The following SNTB2 variants were observed in gnomAD, a reference collection of about 807,000 sequenced individuals.
The protein encoded by SNTB2 is syntrophin beta 2.
A neutral mutation model predicts 46.2 loss-of-function variants in SNTB2; 34 were observed. The observed-to-expected ratio is 0.74, with a 90% CI of 0.56 to 0.98. SNTB2 has a LOEUF of 0.98. Among genes scored for constraint, SNTB2 ranks in the 50% least tolerant of loss-of-function variants. The pLI is 0.00. For synonymous variants in SNTB2, 290 were observed against 312.6 expected, an observed-to-expected ratio of 0.93 and a Z score of 0.76; for missense variants, 603 against 731.4, an observed-to-expected ratio of 0.82 and a Z score of 2.02.
At chr16:69,193,044 T>A (rs1241821953) in intron 1 of SNTB2, among the ~76,000 whole-genome samples, 1 of 152,118 alleles carries the variant, frequency 6.6e-6, no homozygotes, top group Non-Finnish European at 1.5e-5. Flanking sequence ...CTTAATGAAA[T>A]AGATGAGAAA....
intron 1 of SNTB2, chr16:69,235,793 C>T: frequency 7.8e-7 from 1 of 1,289,358 alleles, no homozygotes; most frequent in East Asian, 5.5e-5. Flanking sequence ...AGGGGCACAT[C>T]AGCTGCTGTA....
intron 4 of SNTB2, among the ~76,000 whole-genome samples, chr16:69,273,405 T>C (rs1398316080): frequency 6.6e-6 from 1 of 152,212 alleles, no homozygotes; most frequent in Non-Finnish European, 1.5e-5. Flanking sequence ...TTAAAAACAA[T>C]AATGTTCTGA....
chr16:69,252,228 G>A (rs1309701828), intron 2 of SNTB2, among the ~76,000 whole-genome samples: 2 of 152,000 alleles, frequency 1.3e-5, no homozygotes, highest in Non-Finnish European at 2.9e-5. Context: ...AGTAAAAAGT[G>A]CTAATGATCA....
chr16:69,280,501 C>G (rs1292095282), intron 4 of SNTB2, among the ~76,000 whole-genome samples: 1 of 148,386 alleles, frequency 6.7e-6, no homozygotes, highest in African/African-American at 2.5e-5. Context: ...CTGACCCCCC[C>G]ACCTCCCTCC....
intron 4 of SNTB2, among the ~76,000 whole-genome samples, chr16:69,277,603 G>A (rs7192612): frequency 0.27 from 41,261 of 151,868 alleles, 6,147 homozygotes; most frequent in African/African-American, 0.39. Context: ...GGCTATCCAC[G>A]TAATGTGAAT....
intron 2 of SNTB2, among the ~76,000 whole-genome samples, chr16:69,255,559 TAAA>T (rs1239002276): frequency 1.6e-5 from 2 of 125,844 alleles, no homozygotes; most frequent in Non-Finnish European, 3.4e-5. Context: ...GACTCCGTCT[TAAA>T]AAAAAAAAAA....
chr16:69,225,742 G>T (rs1404367321), intron 1 of SNTB2, among the ~76,000 whole-genome samples: 1 of 152,214 alleles, frequency 6.6e-6, no homozygotes, highest in East Asian at 1.9e-4. Flanking sequence ...ACATAGGAGA[G>T]AGTTGTTGAA....
intron 2 of SNTB2, among the ~76,000 whole-genome samples, chr16:69,254,147 C>G (rs1438442362): frequency 3.3e-5 from 5 of 152,080 alleles, no homozygotes; most frequent in African/African-American, 1.2e-4. Flanking sequence ...ACATCATTGC[C>G]TCCCCCACCC....
intron 1 of SNTB2, 81 bp from the exon 2 acceptor site, chr16:69,245,521 G>A (rs1334882730): frequency 1.2e-5 from 16 of 1,318,458 alleles, no homozygotes; most frequent in Non-Finnish European, 1.7e-5. Context: ...TATAGATATA[G>A]CATGTATGTG....
At chr16:69,268,266 C>T (rs1296386961) in intron 3 of SNTB2, among the ~76,000 whole-genome samples, 1 of 151,968 alleles carries the variant, frequency 6.6e-6, no homozygotes, top group African/African-American at 2.4e-5. Flanking sequence ...GAGTTCGAGA[C>T]CAGTATGGCC....
At chr16:69,209,244 A>T (rs1169239901) in intron 1 of SNTB2, among the ~76,000 whole-genome samples, 1 of 152,144 alleles carries the variant, frequency 6.6e-6, no homozygotes, top group Non-Finnish European at 1.5e-5. Context: ...GTGCCTGGCC[A>T]CCATGCCTGG....
chr16:69,195,033 A>C (rs1964090239), intron 1 of SNTB2, among the ~76,000 whole-genome samples: 1 of 152,166 alleles, frequency 6.6e-6, no homozygotes, highest in African/African-American at 2.4e-5. Context: ...CAAGTGAATA[A>C]TAAATTATTT....
intron 5 of SNTB2, among the ~76,000 whole-genome samples, chr16:69,295,551 A>T (rs966058924): frequency 6.6e-6 from 1 of 151,914 alleles, no homozygotes; most frequent in African/African-American, 2.4e-5. Flanking sequence ...CCCAGCCAAC[A>T]TACTGAATTT....
At chr16:69,212,559 G>A (rs1964299318) in intron 1 of SNTB2, among the ~76,000 whole-genome samples, 1 of 152,048 alleles carries the variant, frequency 6.6e-6, no homozygotes, top group South Asian at 2.1e-4. Context: ...GGATGGTCTC[G>A]ATCTCTTGAC....
chr16:69,223,530 T>C (rs1393194707), intron 1 of SNTB2, among the ~76,000 whole-genome samples: 1 of 152,120 alleles, frequency 6.6e-6, no homozygotes, highest in African/African-American at 2.4e-5. Context: ...ACAGTCTCTT[T>C]ATGGTTTTCA....
In SNTB2 at chr16:69,255,773, G is replaced by A. The variant is rs117745840; in HGVS notation, c.795-4277G>A. On this transcript the variant is annotated intron_variant, in intron 2 of 6. Coordinates refer to ENST00000336278, the MANE Select transcript of SNTB2 (RefSeq NM_006750.4). ...GCACTTCCCTGTAATCCCAGCTGGG[G>A]AGGCTGAGGCAGGAGAATCGCTTAA... Among the ~76,000 whole-genome samples the A allele has an allele frequency of 2.0e-4, 30 of 151,718 alleles. No homozygotes were observed. In the East Asian group the frequency reaches 5.0e-3, roughly 26 times the overall value.
At chr16:69,232,653 A>G (rs1399806681) in intron 1 of SNTB2, among the ~76,000 whole-genome samples, 1 of 151,244 alleles carries the variant, frequency 6.6e-6, no homozygotes, top group East Asian at 1.9e-4. Flanking sequence ...CTGGGACTAC[A>G]GGCGTGCGCC....
chr16:69,245,655 G>T lies in SNTB2; in HGVS notation c.634G>T (p.Asp212Tyr), dbSNP rs1344366747. The T allele has an allele frequency of 6.2e-7, 1 of 1,614,072 alleles. No individual in the cohort carries two copies. The highest frequency in any genetic ancestry group is 8.5e-7 in the Non-Finnish European group (1 of 1,180,022). Reference sequence around the variant, plus strand: ...TATCAAGAAGCCATCATTAGTATCAGATCTGCCGTGGGAAGGTGCAGCCCC... The same window carrying T: ...TATCAAGAAGCCATCATTAGTATCATATCTGCCGTGGGAAGGTGCAGCCCC... ...PYIKKPSLVSDLPWEGAAPQS... is the reference protein window; with the variant it reads ...PYIKKPSLVSYLPWEGAAPQS... Residue 212 changes from aspartate (D) to tyrosine (Y), a missense_variant, in exon 2 of 7, where the codon GAT becomes TAT. This residue lies in a region of SNTB2 where 537 missense variants were observed against 692.4 expected (regional missense o/e 0.78). Coordinates refer to ENST00000336278, the MANE Select transcript of SNTB2 (RefSeq NM_006750.4).
chr16:69,281,411 T>C (rs774219260), intron 4 of SNTB2, among the ~76,000 whole-genome samples: 60 of 152,138 alleles, frequency 3.9e-4, no homozygotes, highest in South Asian at 2.1e-4. Flanking sequence ...TTTGTAGAAA[T>C]TTTAGTATTG....
Sources: gnomAD v4.1 joint callset for allele counts (sites outside exome capture counted in the v4.1 genomes callset) on GRCh38, gnomAD v4.1.1 for gene constraint, gnomAD v4.1.1 regional missense constraint, MANE v1.5 for transcripts, NCBI Gene and HGNC (gene_info 2026-07-23, HGNC 2026-07-21) for gene names.